Variants in GRID2 observed in about 807,000 individuals in gnomAD.
GRID2 encodes the protein glutamate ionotropic receptor delta type subunit 2, also known as glutamate receptor ionotropic, delta-2.
A neutral mutation model predicts 114.8 loss-of-function variants in GRID2; 33 were observed. The ratio of observed to expected loss-of-function variants is 0.29; its 90% CI spans 0.22 to 0.38. The LOEUF (loss-of-function observed/expected upper bound fraction) is 0.38, where lower values mean the gene tolerates loss of function less well. Ranked by LOEUF, GRID2 falls within the 10% of genes least tolerant of loss-of-function variation. The pLI is 1.00. For missense variants in GRID2, 1,184 were observed against 1,257.7 expected (o/e 0.94, Z 0.89); for synonymous variants, 505 against 449.9 (o/e 1.12, Z -1.55).
At chr4:92,841,407 A>C (rs969763560) in intron 2 of GRID2, among the ~76,000 whole-genome samples, 3 of 152,124 alleles carry the variant, frequency 2.0e-5, no homozygotes, top group Non-Finnish European at 4.4e-5. Context: ...AGTCGGGGTT[A>C]CAAGCTTATT....
intron 1 of GRID2, among the ~76,000 whole-genome samples, chr4:92,496,157 A>G (rs1479494439): frequency 2.0e-5 from 3 of 151,906 alleles, no homozygotes; most frequent in Admixed American, 6.6e-5. Context: ...CCTTTACAAA[A>G]TGAATTGCAA....
intron 1 of GRID2, among the ~76,000 whole-genome samples, chr4:92,334,670 G>A (rs372206200): frequency 2.2e-4 from 34 of 152,166 alleles, no homozygotes; most frequent in East Asian, 9.6e-4. Flanking sequence ...TAGAGCTCTC[G>A]TGATGTAATC....
chr4:92,469,833 TAAAAC>T (rs915964422), intron 1 of GRID2, among the ~76,000 whole-genome samples: 5 of 151,616 alleles, frequency 3.3e-5, no homozygotes, highest in South Asian at 2.1e-4. Context: ...CAAAATAAAA[TAAAAC>T]AAAAAAGCTG....
intron 1 of GRID2, among the ~76,000 whole-genome samples, chr4:93,793,453 T>A (rs997009897): frequency 2.0e-5 from 3 of 152,200 alleles, no homozygotes; most frequent in African/African-American, 7.2e-5. Context: ...TGCCTAAATC[T>A]GTTTTGTTAG....
At chr4:93,730,628 A>G (rs1730396494) in intron 14 of GRID2, among the ~76,000 whole-genome samples, 2 of 152,196 alleles carry the variant, frequency 1.3e-5, no homozygotes, top group African/African-American at 4.8e-5. Context: ...CAGCACAGAT[A>G]TTGGGGTCAT....
intron 14 of GRID2, among the ~76,000 whole-genome samples, chr4:93,648,636 T>C (rs1722322460): frequency 1.3e-5 from 2 of 152,198 alleles, no homozygotes; most frequent in Non-Finnish European, 2.9e-5. Flanking sequence ...ACCTGAACGG[T>C]CTGTTAAAAC....
intron 14 of GRID2, among the ~76,000 whole-genome samples, chr4:93,726,350 G>A (rs1284875296): frequency 6.6e-6 from 1 of 152,114 alleles, no homozygotes; most frequent in Non-Finnish European, 1.5e-5. Flanking sequence ...CTATATCTCT[G>A]TTTTGGTACC....
At chr4:93,338,086 T>G (rs1319026507) in intron 8 of GRID2, among the ~76,000 whole-genome samples, 3 of 152,196 alleles carry the variant, frequency 2.0e-5, no homozygotes, top group Non-Finnish European at 4.4e-5. Context: ...TTTGTTTATA[T>G]AAGATACAAA....
At chr4:93,780,034 T>C (rs893709) in intron 1 of GRID2, among the ~76,000 whole-genome samples, 134,672 of 152,274 alleles carry the variant, frequency 0.88, 59,588 homozygotes, top group East Asian at 0.98. Flanking sequence ...AATTCATGCC[T>C]TCATGGAGTT....
At chr4:93,474,751 C>T (rs1725162657) in intron 11 of GRID2, among the ~76,000 whole-genome samples, 1 of 152,154 alleles carries the variant, frequency 6.6e-6, no homozygotes, top group Non-Finnish European at 1.5e-5. Flanking sequence ...AGCCTGTGAT[C>T]ATATATTGTA....
chr4:93,075,902 T>C (rs1190463575), intron 2 of GRID2, among the ~76,000 whole-genome samples: 10 of 51,074 alleles, frequency 2.0e-4, no homozygotes, highest in East Asian at 1.6e-3. Flanking sequence ...TTTTTTTTTT[T>C]TTTTTTTTTT....
intron 4 of GRID2, among the ~76,000 whole-genome samples, chr4:93,175,578 T>G (rs1323161940): frequency 6.6e-6 from 1 of 152,188 alleles, no homozygotes; most frequent in Non-Finnish European, 1.5e-5. Context: ...TTCAAAGATA[T>G]GCATCCAATA....
intron 1 of GRID2, among the ~76,000 whole-genome samples, chr4:92,411,862 C>T (rs1037712417): frequency 2.6e-5 from 4 of 151,314 alleles, no homozygotes; most frequent in Admixed American, 6.6e-5. Context: ...CCCGCCACCA[C>T]GCCCGGCTAA....
intron 13 of GRID2, among the ~76,000 whole-genome samples, chr4:93,611,865 A>G (rs1440288829): frequency 6.6e-6 from 1 of 151,780 alleles, no homozygotes; most frequent in Non-Finnish European, 1.5e-5. Flanking sequence ...ATTCCTGGGT[A>G]TCCTTGTTGA....
At chr4:92,433,913 G>A (rs563075090) in intron 1 of GRID2, among the ~76,000 whole-genome samples, 9 of 152,216 alleles carry the variant, frequency 5.9e-5, no homozygotes, top group African/African-American at 2.2e-4. Context: ...AGCAAGAACA[G>A]AAATAAGAAT....
chr4:93,566,699 G>T (rs574366616), intron 13 of GRID2, among the ~76,000 whole-genome samples: 59 of 152,220 alleles, frequency 3.9e-4, no homozygotes, highest in African/African-American at 1.3e-3. Context: ...GAACCCAGGA[G>T]ATGGGGGTTG....
In GRID2 at chr4:92,432,748, A is replaced by G. The variant is rs569400675; in HGVS notation, c.88+128004A>G. Among the ~76,000 whole-genome samples, 6 of 152,226 alleles carry G rather than the reference A, an allele frequency of 3.9e-5. 1 individual carries two copies. In the South Asian group the frequency reaches 1.2e-3, roughly 32 times the overall value. Reference sequence around the variant, plus strand: ...TTAGTACTCTACACAACTGTGGCTGAGCTGCTACTCAAGCTTCAATATAAA... The same window carrying G: ...TTAGTACTCTACACAACTGTGGCTGGGCTGCTACTCAAGCTTCAATATAAA... On this transcript the variant is annotated intron_variant, in intron 1 of 15. Transcript: ENST00000282020.
At chr4:92,771,163 A>G (rs959250824) in intron 2 of GRID2, among the ~76,000 whole-genome samples, 2 of 152,312 alleles carry the variant, frequency 1.3e-5, no homozygotes, top group Non-Finnish European at 1.5e-5. Context: ...CACATTCTTT[A>G]TTAATCTCAG....
chr4:93,334,629 C>T (rs531407069), intron 8 of GRID2, among the ~76,000 whole-genome samples: 2 of 152,174 alleles, frequency 1.3e-5, no homozygotes, highest in African/African-American at 2.4e-5. Flanking sequence ...AGTGCTTGCC[C>T]CTGAAGAAAG....
Sources: gnomAD v4.1 joint callset for allele counts (sites outside exome capture counted in the v4.1 genomes callset) on GRCh38, gnomAD v4.1.1 for gene constraint, MANE v1.5 for transcripts, NCBI Gene and HGNC (gene_info 2026-07-23, HGNC 2026-07-21) for gene names.